RBFOX1: variants seen among roughly 807,000 people sequenced by gnomAD.
RBFOX1 encodes the protein RNA binding fox-1 homolog 1, also known as RNA binding protein fox-1 homolog 1.
A neutral mutation model predicts 57.7 loss-of-function variants in RBFOX1; 8 were observed. That is an observed-to-expected ratio of 0.14 (90% CI 0.08 to 0.25). RBFOX1 has a LOEUF of 0.25. Among genes scored for constraint, RBFOX1 ranks in the 10% least tolerant of loss-of-function variants. The probability of loss-of-function intolerance (pLI) is 1.00; values close to 1 mark genes in which losing one functional copy is unlikely to be tolerated. For synonymous variants in RBFOX1, 326 were observed against 222.4 expected (o/e 1.47, Z -4.15); for missense variants, 611 against 548.5 (o/e 1.11, Z -1.14).
At chr16:5,910,189 G>C (rs1001393015) in intron 4 of RBFOX1, among the ~76,000 whole-genome samples, 1 of 152,134 alleles carries the variant, frequency 6.6e-6, no homozygotes, top group Non-Finnish European at 1.5e-5. Context: ...GCCTAGAATG[G>C]TCACCAAAGG....
intron 4 of RBFOX1, among the ~76,000 whole-genome samples, chr16:7,188,859 G>A (rs1470405245): frequency 6.6e-6 from 1 of 152,102 alleles, no homozygotes; most frequent in East Asian, 1.9e-4. Context: ...GAGTTGGAAA[G>A]GACATCAAGA....
rs553363427 is a variant in RBFOX1, at chr16:5,818,175, G to A, written c.319-49128G>A. ...CATTGTTACCAATCATTGAGCAGTT[G>A]CTGAGCCAGGCTGTGTGTTAGGAGG... On this transcript the variant is annotated intron_variant, in intron 3 of 19. Transcript: ENST00000641259. Among the ~76,000 whole-genome samples, 25 of 152,282 alleles carry A rather than the reference G, an allele frequency of 1.6e-4. No homozygotes were observed. The South Asian group carries it at 5.0e-3, about 30-fold the overall frequency.
At chr16:7,004,241 G>T (rs754570280) in intron 3 of RBFOX1, 30 of 152,094 alleles carry the variant, frequency 2.0e-4, no homozygotes, top group African/African-American at 7.2e-4. Context: ...CTTATGCATA[G>T]AAGAATATAT....
intron 3 of RBFOX1, among the ~76,000 whole-genome samples, chr16:6,682,520 A>G (rs76697509): frequency 0.073 from 11,069 of 152,164 alleles, 906 homozygotes; most frequent in East Asian, 0.43. Context: ...GGGTTTCTCA[A>G]TCTTGGCATT....
chr16:7,631,603 G>A (rs915396033), intron 11 of RBFOX1, among the ~76,000 whole-genome samples: 3 of 152,132 alleles, frequency 2.0e-5, no homozygotes, highest in Non-Finnish European at 4.4e-5. Flanking sequence ...CGTCTTTAGG[G>A]TCAGTGCTTA....
At chr16:7,077,129 C>G (rs1268579878) in intron 4 of RBFOX1, among the ~76,000 whole-genome samples, 2 of 152,136 alleles carry the variant, frequency 1.3e-5, no homozygotes, top group African/African-American at 4.8e-5. Context: ...CTCTTCAAGG[C>G]CTGTGGAGTT....
chr16:7,330,853 G>C (rs935402682), intron 4 of RBFOX1, among the ~76,000 whole-genome samples: 13 of 152,130 alleles, frequency 8.5e-5, no homozygotes, highest in Admixed American at 2.0e-4. Flanking sequence ...AAAGCAGACG[G>C]GAGAGACACG....
chr16:7,080,852 A>G (rs2059082770), intron 4 of RBFOX1, among the ~76,000 whole-genome samples: 1 of 152,108 alleles, frequency 6.6e-6, no homozygotes, highest in African/African-American at 2.4e-5. Context: ...GCCACAATCC[A>G]TCCTCAGGAC....
chr16:7,494,224 G>C (rs548994003), intron 4 of RBFOX1, among the ~76,000 whole-genome samples: 1 of 152,318 alleles, frequency 6.6e-6, no homozygotes, highest in South Asian at 2.1e-4. Flanking sequence ...GGTCAGATGA[G>C]ATTGGCCTTG....
At chr16:5,850,024 A>T (rs1215123848) in intron 3 of RBFOX1, among the ~76,000 whole-genome samples, 1 of 152,124 alleles carries the variant, frequency 6.6e-6, no homozygotes, top group African/African-American at 2.4e-5. Flanking sequence ...TTTTTGATTA[A>T]GTTTTGAAAC....
chr16:5,779,558 T>C (rs1293005483), intron 3 of RBFOX1, among the ~76,000 whole-genome samples: 1 of 152,356 alleles, frequency 6.6e-6, no homozygotes, highest in East Asian at 1.9e-4. Flanking sequence ...CAAGTATCCC[T>C]ATACCTTTGT....
rs149871645 is a variant in RBFOX1, at chr16:7,074,272, C to T, written c.27+22174C>T. Among the ~76,000 whole-genome samples, 7 of 152,256 alleles carry T rather than the reference C, an allele frequency of 4.6e-5. No homozygotes were observed. The East Asian group carries it at 1.2e-3, about 25-fold the overall frequency. On this transcript the variant is annotated intron_variant, in intron 4 of 15. Coordinates refer to ENST00000550418, the MANE Select transcript of RBFOX1 (RefSeq NM_018723.4). ...TAGGAAAAGATGGACATGATGAGTT[C>T]GCAGATGGGAAGTCTCAGAAATCGA... is the stretch of plus-strand genomic sequence containing the variant.
At chr16:6,060,121 GGTTTTTTTTTTTTTTTTTTT>G (rs1192272272) in intron 1 of RBFOX1, among the ~76,000 whole-genome samples, 1 of 74,812 alleles carries the variant, frequency 1.3e-5, no homozygotes, top group Non-Finnish European at 2.4e-5. Flanking sequence ...TTAGGATTAG[GGTTTTTTTTTTTTTTTTTTT>G]TTTTTTTTTT....
chr16:7,580,382 G>A (rs1226852228), intron 6 of RBFOX1, among the ~76,000 whole-genome samples: 1 of 152,158 alleles, frequency 6.6e-6, no homozygotes, highest in Non-Finnish European at 1.5e-5. Context: ...TTAGATTTCA[G>A]ATGCATCAGC....
chr16:6,864,547 CTTT>C (rs556959548), intron 3 of RBFOX1, among the ~76,000 whole-genome samples: 6 of 139,488 alleles, frequency 4.3e-5, no homozygotes, highest in Non-Finnish European at 4.7e-5. Flanking sequence ...TCTCCTTCCT[CTTT>C]TTTTTTTTTT....
chr16:7,027,270 G>A (rs1410733345), intron 3 of RBFOX1, among the ~76,000 whole-genome samples: 1 of 152,142 alleles, frequency 6.6e-6, no homozygotes, highest in Non-Finnish European at 1.5e-5. Context: ...GAATAGAGAG[G>A]ATGAATAATC....
At chr16:5,960,428 A>AT (rs2059725097) in intron 4 of RBFOX1, among the ~76,000 whole-genome samples, 1 of 152,016 alleles carries the variant, frequency 6.6e-6, no homozygotes, top group Non-Finnish European at 1.5e-5. Flanking sequence ...CCCAAATTCC[A>AT]TTTTTTATGT....
intron 3 of RBFOX1, among the ~76,000 whole-genome samples, chr16:6,713,849 C>T (rs763435763): frequency 6.6e-6 from 1 of 152,124 alleles, no homozygotes; most frequent in Non-Finnish European, 1.5e-5. Context: ...ATGGCAAGAT[C>T]CTTGGTAAGA....
chr16:6,628,788 C>T (rs1284674753), intron 2 of RBFOX1, among the ~76,000 whole-genome samples: 1 of 152,164 alleles, frequency 6.6e-6, no homozygotes, highest in African/African-American at 2.4e-5. Context: ...TGTCATTCTT[C>T]CAAAGTTTAG....
Sources: gnomAD v4.1 joint callset for allele counts (sites outside exome capture counted in the v4.1 genomes callset) on GRCh38, gnomAD v4.1.1 for gene constraint, MANE v1.5 for transcripts, NCBI Gene and HGNC (gene_info 2026-07-23, HGNC 2026-07-21) for gene names.